Variants in SLCO5A1 observed in about 807,000 individuals in gnomAD.
SLCO5A1 encodes solute carrier organic anion transporter family member 5A1.
In SLCO5A1, 39 loss-of-function variants were observed where a neutral mutation model predicts 65.1. The ratio of observed to expected loss-of-function variants is 0.60; its 90% CI spans 0.46 to 0.78. The LOEUF is 0.78. Ranked by LOEUF, SLCO5A1 falls within the 30% of genes least tolerant of loss-of-function variation. The pLI, the probability that SLCO5A1 is intolerant of heterozygous loss-of-function variation, is 0.00. For missense variants in SLCO5A1, 1,029 were observed against 1,069.4 expected (o/e 0.96, Z 0.53); for synonymous variants, 438 against 415.7 (o/e 1.05, Z -0.65).
intron 2 of SLCO5A1, among the ~76,000 whole-genome samples, chr8:69,768,535 G>A (rs111814355): frequency 6.8e-4 from 104 of 152,268 alleles, no homozygotes; most frequent in African/African-American, 2.3e-3. Context: ...AGTTTAAGAG[G>A]GTGGAGTCTG....
chr8:69,823,150 C>G (rs925370513), intron 2 of SLCO5A1, among the ~76,000 whole-genome samples: 6 of 152,098 alleles, frequency 3.9e-5, no homozygotes, highest in Non-Finnish European at 5.9e-5. Flanking sequence ...TCTCTCTCTC[C>G]TTATATGTAA....
At position 69,682,183 on chromosome 8, in the gene SLCO5A1, C is replaced by T; in HGVS notation, c.1782+1G>A. 1.2e-6 allele frequency: 2 copies of T among 1,606,584 alleles called. No individual in the cohort carries two copies. The highest frequency in any genetic ancestry group is 1.7e-6 in the Non-Finnish European group (2 of 1,177,122). ...AAGAGGAACTTGTGAAATATACTCA[C>T]CCCAGTGCTAAGATTACCACTATTA... On this transcript the variant is annotated splice_donor_variant, in intron 7 of 9. Transcript: ENST00000260126. LOFTEE classifies it high-confidence loss of function.
intron 2 of SLCO5A1, among the ~76,000 whole-genome samples, chr8:69,818,998 A>G (rs1180383134): frequency 6.6e-6 from 1 of 152,114 alleles, no homozygotes; most frequent in African/African-American, 2.4e-5. Flanking sequence ...CATGATTTGC[A>G]CAGACACTAC....
intron 2 of SLCO5A1, among the ~76,000 whole-genome samples, chr8:69,817,854 G>T (rs1820468921): frequency 6.6e-6 from 1 of 152,240 alleles, no homozygotes; most frequent in African/African-American, 2.4e-5. Flanking sequence ...TTTCTAGATT[G>T]TCTTTAAAGA....
chr8:69,833,240 G>T (rs1355062217), intron 1 of SLCO5A1, 71 bp from the exon 2 acceptor site: 3 of 156,596 alleles, frequency 1.9e-5, no homozygotes, highest in Non-Finnish European at 2.8e-5. Flanking sequence ...GCGCCCCGGG[G>T]ACCAGGGTTA....
intron 2 of SLCO5A1, among the ~76,000 whole-genome samples, chr8:69,769,380 C>G (rs904065485): frequency 6.6e-6 from 1 of 152,140 alleles, no homozygotes; most frequent in African/African-American, 2.4e-5. Flanking sequence ...TGCCCCAAAA[C>G]CTAAAATACT....
chr8:69,791,009 T>C (rs1337456706), intron 2 of SLCO5A1, among the ~76,000 whole-genome samples: 2 of 152,056 alleles, frequency 1.3e-5, no homozygotes, highest in Non-Finnish European at 2.9e-5. Flanking sequence ...CAATGTTACT[T>C]ACATAGAAAG....
intron 2 of SLCO5A1, among the ~76,000 whole-genome samples, chr8:69,777,017 T>C (rs1249010566): frequency 6.6e-6 from 1 of 152,030 alleles, no homozygotes; most frequent in Non-Finnish European, 1.5e-5. Context: ...TCTTAAGGAG[T>C]CAAACATATA....
At chr8:69,780,851 C>T (rs946406259) in intron 2 of SLCO5A1, among the ~76,000 whole-genome samples, 4 of 150,054 alleles carry the variant, frequency 2.7e-5, no homozygotes, top group Admixed American at 6.6e-5. Flanking sequence ...GGCTCTGCTA[C>T]TGAAAAAAAA....
In SLCO5A1 at chr8:69,755,449, C is replaced by A. The variant is rs368596532; in HGVS notation, c.1233G>T (p.Ser411=). 4 of 1,613,720 alleles carry A rather than the reference C, an allele frequency of 2.5e-6. No individual in the cohort carries two copies. Among genetic ancestry groups the A allele is most frequent in the Non-Finnish European group, 3.4e-6 (4 of 1,179,990 alleles). ...NSEQADKKVS[S]MGFGKDVRDL... ...CTCTGACATCCTTTCCAAATCCCATCGAAGAAACTTTTTTGTCCGCTTGTT... is the reference window on the plus strand; with the variant it reads ...CTCTGACATCCTTTCCAAATCCCATAGAAGAAACTTTTTTGTCCGCTTGTT... The change falls in exon 4 of 10, where the codon TCG becomes TCT. Residue 411 remains serine (S), a synonymous_variant. Coordinates refer to ENST00000260126, the MANE Select transcript of SLCO5A1 (RefSeq NM_030958.3).
At position 69,737,917 on chromosome 8, in the gene SLCO5A1, G is replaced by A. The variant is rs558537064; in HGVS notation, c.1423+123C>T. Reference sequence around the variant, plus strand: ...GATTTCCTCCTCCTAAAATCTGGGGGGAAAGGTAGCTGTTAATGAACTAGC... The same window carrying A: ...GATTTCCTCCTCCTAAAATCTGGGGAGAAAGGTAGCTGTTAATGAACTAGC... On this transcript the variant is annotated intron_variant, in intron 5 of 9. Transcript: ENST00000260126. The A allele has an allele frequency of 2.5e-3, 2,472 of 985,594 alleles. 8 individuals are homozygous for A. Among genetic ancestry groups the A allele is most frequent in the Admixed American group, 3.3e-3 (99 of 30,418 alleles). 61.1% of individuals were successfully genotyped at this position (985,594 alleles called of 1,614,324 possible).
intron 2 of SLCO5A1, among the ~76,000 whole-genome samples, chr8:69,769,111 A>G (rs981237168): frequency 3.3e-5 from 5 of 152,166 alleles, no homozygotes; most frequent in African/African-American, 9.7e-5. Flanking sequence ...CACTTGACCT[A>G]GAGCTAGCTC....
intron 2 of SLCO5A1, among the ~76,000 whole-genome samples, chr8:69,780,702 G>A (rs1431409545): frequency 6.6e-6 from 1 of 152,094 alleles, no homozygotes; most frequent in Non-Finnish European, 1.5e-5. Flanking sequence ...TACAATGTAT[G>A]GTATTTGGGT....
Position 69,672,225 on chromosome 8 carries a change from TC to T in SLCO5A1, c.*643del, listed in dbSNP as rs1813355527. The T allele has an allele frequency of 6.6e-6, 1 of 152,394 alleles. No individual in the cohort carries two copies. The highest frequency in any genetic ancestry group is 1.5e-5 in the Non-Finnish European group (1 of 68,182). The allele number at this position is 152,394 out of a possible 1,614,324, so 9.4% of individuals were successfully genotyped here. On this transcript the variant is annotated 3_prime_UTR_variant, in exon 10 of 10. Transcript: ENST00000260126. ...CCTACGACCTGAAGTAGCTGTTCCT[TC>T]TATCACACTATGCCTATGGTTCCTC...
At chr8:69,674,637 C>T (rs1395080942) in intron 9 of SLCO5A1, among the ~76,000 whole-genome samples, 2 of 152,030 alleles carry the variant, frequency 1.3e-5, no homozygotes, top group Non-Finnish European at 2.9e-5. Context: ...GATGCTGTAG[C>T]ATACATCTGT....
rs1256565196 is a variant in SLCO5A1, at chr8:69,831,943, G to A, written c.731C>T (p.Ala244Val). The change falls in exon 2 of 10, where the codon GCC becomes GTC. Residue 244 changes from alanine (A) to valine (V), a missense_variant. Around this residue, in one of 3 missense-constraint regions of SLCO5A1, gnomAD observed 647 missense variants for 647.5 expected, o/e 1.00. Transcript: ENST00000260126. ...DGLCQGGNST[A>V]TLEPPACPKD... ...CGGACAGGCCGGAGGCTCCAAAGTG[G>A]CGGTGGAGTTGCCACCCTGACACAG... 6.3e-7 allele frequency: 1 copy of A among 1,596,256 alleles called. No homozygotes were observed. Among genetic ancestry groups the A allele is most frequent in the Admixed American group, 1.8e-5 (1 of 56,366 alleles).
chr8:69,696,548 A>G (rs905312208), intron 6 of SLCO5A1, among the ~76,000 whole-genome samples: 2 of 152,190 alleles, frequency 1.3e-5, no homozygotes, highest in East Asian at 3.9e-4. Context: ...CCAGAAATTC[A>G]TCAGGAAGTG....
chr8:69,831,680 T>C (rs1175519842), intron 2 of SLCO5A1, 87 bp downstream of exon 2: 1 of 1,365,962 alleles, frequency 7.3e-7, no homozygotes, highest in African/African-American at 1.5e-5. Context: ...CATGAAAATG[T>C]GAAAGAACAT....
At chr8:69,738,347 C>A (rs528973799) in intron 4 of SLCO5A1, 143 bp from the exon 5 acceptor site, 4 of 682,708 alleles carry the variant, frequency 5.9e-6, no homozygotes, top group South Asian at 2.9e-5. Context: ...GATCTGATGA[C>A]GATTAGAAAC....
Sources: gnomAD v4.1 joint callset for allele counts (sites outside exome capture counted in the v4.1 genomes callset) on GRCh38, gnomAD v4.1.1 for gene constraint, gnomAD v4.1.1 regional missense constraint, MANE v1.5 for transcripts, NCBI Gene and HGNC (gene_info 2026-07-23, HGNC 2026-07-21) for gene names.